The following MFHAS1 variants were observed in gnomAD, a reference collection of about 807,000 sequenced individuals.
The protein encoded by MFHAS1 is malignant fibrous histiocytoma-amplified sequence 1.
Under a neutral mutation model 70.4 loss-of-function variants are expected in MFHAS1, and 50 were observed. That is an observed-to-expected ratio of 0.71 (90% CI 0.57 to 0.90). MFHAS1 has a LOEUF of 0.90. Ranked by LOEUF, MFHAS1 falls within the 40% of genes least tolerant of loss-of-function variation. The pLI is 0.00. For synonymous variants in MFHAS1, 952 were observed against 620.0 expected (o/e 1.54, Z -7.96); for missense variants, 1,795 against 1,347.6 (o/e 1.33, Z -5.20).
At chr8:8,852,497 A>T (rs534029304) in intron 1 of MFHAS1, among the ~76,000 whole-genome samples, 1 of 152,020 alleles carries the variant, frequency 6.6e-6, no homozygotes, top group African/African-American at 2.4e-5. Context: ...ACACACATAC[A>T]CACAAACACA....
chr8:8,853,298 C>G lies in MFHAS1; in HGVS notation c.2998+36763G>C, dbSNP rs193061427. Among the ~76,000 whole-genome samples the G allele has an allele frequency of 2.0e-5, 3 of 152,122 alleles. No homozygotes were observed. In the East Asian group the frequency reaches 5.8e-4, roughly 29 times the overall value. On this transcript the variant is annotated intron_variant, in intron 1 of 2. Coordinates refer to ENST00000276282, the MANE Select transcript of MFHAS1 (RefSeq NM_004225.3). ...CCTCTAGTTCAACAGGCGGCAAGCT[C>G]CTGTCCTACCTGCCCCTTTCTACCT...
chr8:8,790,949 C>G (rs1805699258), intron 2 of MFHAS1, among the ~76,000 whole-genome samples: 1 of 152,138 alleles, frequency 6.6e-6, no homozygotes, highest in Non-Finnish European at 1.5e-5. Context: ...TAGCAAGTAA[C>G]TGGAATTTAG....
intron 1 of MFHAS1, among the ~76,000 whole-genome samples, chr8:8,889,675 C>T (rs1006136176): frequency 6.6e-6 from 1 of 152,302 alleles, no homozygotes; most frequent in Non-Finnish European, 1.5e-5. Context: ...CCCTTTGAGA[C>T]GTGTCTAATG....
chr8:8,809,973 A>C (rs899615485), intron 1 of MFHAS1, among the ~76,000 whole-genome samples: 1 of 152,216 alleles, frequency 6.6e-6, no homozygotes, highest in Admixed American at 6.5e-5. Flanking sequence ...AATAGGACGA[A>C]CCCTTATGAC....
At chr8:8,807,602 G>C (rs914662716) in intron 1 of MFHAS1, among the ~76,000 whole-genome samples, 1 of 152,130 alleles carries the variant, frequency 6.6e-6, no homozygotes, top group African/African-American at 2.4e-5. Context: ...AGAGCAAAGG[G>C]AAAGTTTTCC....
At position 8,892,630 on chromosome 8, in the gene MFHAS1, G is replaced by A; in HGVS notation, c.429C>T (p.Ser143=). 1.2e-6 allele frequency: 2 copies of A among 1,604,964 alleles called. No homozygotes were observed. Residue 143 remains serine, a synonymous_variant, in exon 1 of 3, where the codon AGC becomes AGT. Coordinates refer to ENST00000276282, the MANE Select transcript of MFHAS1 (RefSeq NM_004225.3). This position sits in a 1 kb window ranked among gnomAD's most constrained non-coding sequence, Gnocchi z 4.7. ...ALRELRKLNL[S]HNQLPALPAQ... Reference sequence around the variant, plus strand: ...CGGGCAGGGCGGGCAGCTGGTTGTGGCTGAGGTTGAGCTTCCGCAGCTCCC... The same window carrying A: ...CGGGCAGGGCGGGCAGCTGGTTGTGACTGAGGTTGAGCTTCCGCAGCTCCC...
intron 1 of MFHAS1, among the ~76,000 whole-genome samples, chr8:8,826,759 G>C (rs1807179614): frequency 6.6e-6 from 1 of 152,056 alleles, no homozygotes; most frequent in Admixed American, 6.5e-5. Context: ...GACATTTCTG[G>C]AAATATTTTG....
At chr8:8,803,877 CAGGAGAA>C in intron 1 of MFHAS1, among the ~76,000 whole-genome samples, 1 of 152,040 alleles carries the variant, frequency 6.6e-6, no homozygotes, top group Non-Finnish European at 1.5e-5. Flanking sequence ...GAAGCTGAGG[CAGGAGAA>C]TCACTGGAAT....
In MFHAS1 at chr8:8,893,136, G is replaced by GGCTCCT. The variant is rs1245237315; in HGVS notation, c.-84_-79dup. 4.4e-5 allele frequency: 48 copies of GGCTCCT among 1,093,290 alleles called. No homozygotes were observed. Among genetic ancestry groups the GGCTCCT allele is most frequent in the Non-Finnish European group, 5.8e-5 (48 of 834,108 alleles). The allele number at this position is 1,093,290 out of a possible 1,614,324, so 67.7% of individuals were successfully genotyped here. A position where few individuals can be genotyped will look rare whatever the true frequency, so the allele number is the denominator to read the frequency against. The stretch of plus-strand genomic sequence containing the variant: ...TGCCGCGCCGCGCCCCGGGCCCTCC[G>GGCTCCT]GCTCCTGCCCCTGCCTGCCCTCCCG... On this transcript the variant is annotated 5_prime_UTR_variant, in exon 1 of 3. Transcript: ENST00000276282.
At chr8:8,880,677 C>CT (rs201122750) in intron 1 of MFHAS1, among the ~76,000 whole-genome samples, 67 of 142,908 alleles carry the variant, frequency 4.7e-4, no homozygotes, top group African/African-American at 1.7e-3. Flanking sequence ...ACATCCCTTC[C>CT]TTTTTTGTTT....
At chr8:8,865,233 T>A (rs894804103) in intron 1 of MFHAS1, among the ~76,000 whole-genome samples, 1 of 137,138 alleles carries the variant, frequency 7.3e-6, no homozygotes, top group African/African-American at 2.7e-5. Context: ...GCCAAGATTG[T>A]GCCACTGCAC....
In MFHAS1 at chr8:8,785,684, G is replaced by A. The variant is rs919074867; in HGVS notation, c.*338C>T. On this transcript the variant is annotated 3_prime_UTR_variant, in exon 3 of 3. Transcript: ENST00000276282. ...TGCTCTAAATACTGCCACCTGTACT[G>A]TAACTATGGCTTATATGTGCACGGA... is the stretch of plus-strand genomic sequence containing the variant. The A allele has an allele frequency of 1.4e-5, 4 of 286,454 alleles. No individual in the cohort carries two copies. Among genetic ancestry groups the A allele is most frequent in the Non-Finnish European group, 2.6e-5 (4 of 151,298 alleles). The allele number at this position is 286,454 out of a possible 1,614,324, so 17.7% of individuals were successfully genotyped here.
chr8:8,815,441 C>G (rs1376785756), intron 1 of MFHAS1, among the ~76,000 whole-genome samples: 1 of 152,164 alleles, frequency 6.6e-6, no homozygotes, highest in Non-Finnish European at 1.5e-5. Context: ...GGAATTGCCA[C>G]ACTGTCTTCC....
At chr8:8,790,719 C>T (rs1039912) in intron 2 of MFHAS1, among the ~76,000 whole-genome samples, 43,754 of 151,894 alleles carry the variant, frequency 0.29, 6,852 homozygotes, top group African/African-American at 0.39. Context: ...TCATATCACG[C>T]CACTGCTTTT....
Position 8,891,939 on chromosome 8 carries a change from C to A in MFHAS1, c.1120G>T (p.Asp374Tyr). ...LSRVGLWKIKDNPLIQPPYEV... is the reference protein window; with the variant it reads ...LSRVGLWKIKYNPLIQPPYEV... ...TAGGGGGGCTGGATCAGTGGGTTGTCTTTGATCTTCCACAAACCCACCCGG... is the reference window on the plus strand; with the variant it reads ...TAGGGGGGCTGGATCAGTGGGTTGTATTTGATCTTCCACAAACCCACCCGG... Residue 374 changes from aspartate (D) to tyrosine (Y), a missense_variant, in exon 1 of 3, where the codon GAC (aspartate) becomes TAC (tyrosine). Physicochemically the swap from Asp to Tyr is radical, Grantham distance 160 (BLOSUM62 -3). Coordinates refer to ENST00000276282, the MANE Select transcript of MFHAS1 (RefSeq NM_004225.3). This position sits in a 1 kb window ranked among gnomAD's most constrained non-coding sequence, Gnocchi z 5.4. 1 of 1,611,470 alleles carries A rather than the reference C, an allele frequency of 6.2e-7. No individual in the cohort carries two copies. The highest frequency in any genetic ancestry group is 8.5e-7 in the Non-Finnish European group (1 of 1,178,688).
intron 1 of MFHAS1, among the ~76,000 whole-genome samples, chr8:8,805,488 C>T (rs185552070): frequency 6.6e-6 from 1 of 152,056 alleles, no homozygotes; most frequent in East Asian, 1.9e-4. Context: ...GGAAGTAGAC[C>T]ATCATAAAGG....
chr8:8,826,925 G>C (rs77963955), intron 1 of MFHAS1, among the ~76,000 whole-genome samples: 2,990 of 152,284 alleles, frequency 0.02, 91 homozygotes, highest in African/African-American at 0.068. Context: ...TCTGAGGCAG[G>C]GATGGCATAG....
intron 1 of MFHAS1, among the ~76,000 whole-genome samples, chr8:8,819,388 G>A (rs889853455): frequency 3.3e-5 from 5 of 152,048 alleles, no homozygotes; most frequent in Non-Finnish European, 5.9e-5. Context: ...GGCGGATCAC[G>A]AGGTCAGGAG....
intron 1 of MFHAS1, among the ~76,000 whole-genome samples, chr8:8,817,232 C>A (rs1006196653): frequency 2.0e-5 from 3 of 151,700 alleles, no homozygotes; most frequent in African/African-American, 7.3e-5. Flanking sequence ...TCTCTGTCAG[C>A]TATGAGAAAA....
Sources: gnomAD v4.1 joint callset for allele counts (sites outside exome capture counted in the v4.1 genomes callset) on GRCh38, gnomAD v4.1.1 for gene constraint, Gnocchi (gnomAD v3.1) non-coding constraint, MANE v1.5 for transcripts, NCBI Gene and HGNC (gene_info 2026-07-23, HGNC 2026-07-21) for gene names.